SNX13: variants seen among roughly 807,000 people sequenced by gnomAD.
The protein encoded by SNX13 is sorting nexin 13.
SNX13 carries 45 observed loss-of-function variants against 133.6 expected under a neutral mutation model. The observed-to-expected ratio is 0.34, with a 90% CI of 0.27 to 0.43. The LOEUF (loss-of-function observed/expected upper bound fraction) is 0.43, where lower values mean the gene tolerates loss of function less well. Ranked by LOEUF, SNX13 falls within the 20% of genes least tolerant of loss-of-function variation. The pLI is 1.00. For missense variants in SNX13, 1,032 were observed against 1,145.1 expected (o/e 0.90, Z 1.43); for synonymous variants, 414 against 373.9 (o/e 1.11, Z -1.24).
chr7:17,875,643 G>C, intron 6 of SNX13, 26 bp downstream of exon 6: 1 of 1,605,926 alleles, frequency 6.2e-7, no homozygotes, highest in Non-Finnish European at 8.5e-7. Context: ...TCAAATCCTA[G>C]TTTTCAAATG....
intron 2 of SNX13, 72 bp from the exon 3 acceptor site, chr7:17,893,506 A>AG (rs1796862610): frequency 6.0e-5 from 59 of 983,660 alleles, no homozygotes; most frequent in Non-Finnish European, 8.5e-5. Context: ...ACTACCAAGT[A>AG]TATTTTCCAG....
chr7:17,842,240 C>CA (rs1789987348), intron 12 of SNX13, among the ~76,000 whole-genome samples: 2 of 152,088 alleles, frequency 1.3e-5, no homozygotes, highest in South Asian at 4.1e-4. Flanking sequence ...ACAACACATA[C>CA]AAAATATCCA....
At chr7:17,869,739 C>G (rs1793844308) in intron 8 of SNX13, among the ~76,000 whole-genome samples, 1 of 152,072 alleles carries the variant, frequency 6.6e-6, no homozygotes, top group Non-Finnish European at 1.5e-5. Context: ...AAAATTGCTT[C>G]TTTCAAGGTT....
At chr7:17,908,382 G>A (rs982289020) in intron 1 of SNX13, among the ~76,000 whole-genome samples, 4 of 152,078 alleles carry the variant, frequency 2.6e-5, no homozygotes, top group Admixed American at 6.6e-5. Flanking sequence ...AAAATACTTG[G>A]CTTTTCCATG....
chr7:17,895,272 G>A (rs1797080303), intron 2 of SNX13, among the ~76,000 whole-genome samples: 1 of 152,108 alleles, frequency 6.6e-6, no homozygotes, highest in Non-Finnish European at 1.5e-5. Context: ...CTGTAGTTGG[G>A]TGCCATAAAT....
At chr7:17,805,109 C>A (rs1041507551) in intron 20 of SNX13, among the ~76,000 whole-genome samples, 1 of 152,030 alleles carries the variant, frequency 6.6e-6, no homozygotes, top group East Asian at 1.9e-4. Flanking sequence ...AACCAAAGAA[C>A]AGAAACTGGC....
intron 9 of SNX13, among the ~76,000 whole-genome samples, chr7:17,864,696 A>C (rs185489263): frequency 6.6e-6 from 1 of 152,254 alleles, no homozygotes; most frequent in East Asian, 1.9e-4. Flanking sequence ...AAATAAGATG[A>C]CCAAAGGCAT....
rs903018393 is a variant in SNX13 at position 17,792,834 on chromosome 7, C to T, written c.*1211G>A. 2.0e-5 allele frequency: 3 copies of T among 151,954 alleles called. No homozygotes were observed. The highest frequency in any genetic ancestry group is 7.3e-5 in the African/African-American group (3 of 41,278). The allele number at this position is 151,954 out of a possible 1,614,324, so 9.4% of individuals were successfully genotyped here. A position where few individuals can be genotyped will look rare whatever the true frequency, so the allele number is the denominator to read the frequency against. On this transcript the variant is annotated 3_prime_UTR_variant, in exon 26 of 26. Coordinates refer to ENST00000428135, the MANE Select transcript of SNX13 (RefSeq NM_015132.5). The stretch of plus-strand genomic sequence containing the variant: ...GAAAACTATAGGAAATACAGAAGCT[C>T]CAAAACTAGAGAAAGTATTTTATTT...
At position 17,834,074 on chromosome 7, in the gene SNX13, T is replaced by C; in HGVS notation, c.1575A>G (p.Arg525=). 6.3e-7 allele frequency: 1 copy of C among 1,579,806 alleles called. No individual in the cohort carries two copies. Among genetic ancestry groups the C allele is most frequent in the Non-Finnish European group, 8.6e-7 (1 of 1,158,726 alleles). Residue 525 remains arginine (R), a synonymous_variant, in exon 15 of 26, where the codon AGA becomes AGG. Coordinates refer to ENST00000428135, the MANE Select transcript of SNX13 (RefSeq NM_015132.5). The part of the protein sequence containing the change: ...ELDMLKDPSF[R]GSDDGDGESF... ...TACCTCCATCCCCATCATCGGATCCTCTGAAACTAGGATCTTTTAACATGT... is the reference window on the plus strand; with the variant it reads ...TACCTCCATCCCCATCATCGGATCCCCTGAAACTAGGATCTTTTAACATGT...
intron 20 of SNX13, among the ~76,000 whole-genome samples, chr7:17,808,690 A>C (rs1202144539): frequency 6.6e-6 from 1 of 152,192 alleles, no homozygotes; most frequent in Admixed American, 6.5e-5. Context: ...AAAAAATGTT[A>C]AGGGCAGCCA....
intron 23 of SNX13, 93 bp downstream of exon 23, chr7:17,798,916 A>C: frequency 6.9e-7 from 1 of 1,446,558 alleles, no homozygotes; most frequent in South Asian, 1.3e-5. Context: ...AGAGAAAAAA[A>C]TTCTCCTACA....
intron 2 of SNX13, among the ~76,000 whole-genome samples, chr7:17,894,061 G>T (rs1347424672): frequency 2.6e-5 from 4 of 151,192 alleles, no homozygotes; most frequent in Non-Finnish European, 5.9e-5. Flanking sequence ...CCAGCACCTT[G>T]GGAGGCCGAG....
chr7:17,897,322 G>A lies in SNX13; in HGVS notation c.125+12C>T, dbSNP rs987616435. ...ACACATGAATTATAAAATTATAATTGAGTATACTTACCCACCCACAAAGCA... is the reference window on the plus strand; with the variant it reads ...ACACATGAATTATAAAATTATAATTAAGTATACTTACCCACCCACAAAGCA... On this transcript the variant is annotated intron_variant, in intron 2 of 25. Coordinates refer to ENST00000428135, the MANE Select transcript of SNX13 (RefSeq NM_015132.5). 2.2e-6 allele frequency: 3 copies of A among 1,390,724 alleles called. No homozygotes were observed. The highest frequency in any genetic ancestry group is 1.5e-5 in the South Asian group (1 of 66,582). The allele number at this position is 1,390,724 out of a possible 1,614,324, so 86.1% of individuals were successfully genotyped here. A position where few individuals can be genotyped will look rare whatever the true frequency, so the allele number is the denominator to read the frequency against.
chr7:17,831,235 A>C, intron 15 of SNX13: 3 of 983,950 alleles, frequency 3.0e-6, no homozygotes, highest in Non-Finnish European at 3.6e-6. Flanking sequence ...TTAATCAAGA[A>C]TTGGATGACT....
At chr7:17,915,426 T>C (rs1285205059) in intron 1 of SNX13, among the ~76,000 whole-genome samples, 1 of 152,182 alleles carries the variant, frequency 6.6e-6, no homozygotes, top group Non-Finnish European at 1.5e-5. Context: ...AGTTACACCC[T>C]CTTGTAAATT....
intron 21 of SNX13, among the ~76,000 whole-genome samples, chr7:17,803,104 T>C (rs1028679914): frequency 1.3e-5 from 2 of 152,186 alleles, no homozygotes; most frequent in Admixed American, 6.5e-5. Flanking sequence ...CTAAATTTAA[T>C]AGTACTTCAT....
rs1473856893 is a variant in SNX13, at chr7:17,791,074, T to C, written c.*2971A>G. On this transcript the variant is annotated 3_prime_UTR_variant, in exon 26 of 26. Transcript: ENST00000428135. ...ATTTTCCAAGGAGTGACAAAAAGAC[T>C]TTTAAAACAAGTCCTTAAATAAAAG... 6.6e-6 allele frequency: 1 copy of C among 152,030 alleles called. No homozygotes were observed. The highest frequency in any genetic ancestry group is 1.5e-5 in the Non-Finnish European group (1 of 67,920). 9.4% of individuals were successfully genotyped at this position (152,030 alleles called of 1,614,324 possible). A position where few individuals can be genotyped will look rare whatever the true frequency, so the allele number is the denominator to read the frequency against.
At chr7:17,809,281 G>GGAAAAA (rs1785700958) in intron 20 of SNX13, among the ~76,000 whole-genome samples, 1 of 16,660 alleles carries the variant, frequency 6.0e-5, no homozygotes, top group Non-Finnish European at 1.3e-4. Flanking sequence ...TAGATGGAAA[G>GGAAAAA]CAAAAAAAAA....
chr7:17,914,528 T>G (rs1004138823), intron 1 of SNX13, among the ~76,000 whole-genome samples: 6 of 152,170 alleles, frequency 3.9e-5, no homozygotes, highest in Non-Finnish European at 8.8e-5. Flanking sequence ...AACAGCGGAC[T>G]TCTCAGCAGA....
Sources: allele counts gnomAD v4.1 joint callset (sites outside exome capture counted in the v4.1 genomes callset), GRCh38; gene constraint gnomAD v4.1.1; transcripts MANE v1.5; gene names NCBI Gene and HGNC (gene_info 2026-07-23, HGNC 2026-07-21).